The following VDAC2 variants were observed in gnomAD, a reference collection of about 807,000 sequenced individuals.
The protein encoded by VDAC2 is non-selective voltage-gated ion channel VDAC2.
VDAC2 carries 6 observed loss-of-function variants against 36.6 expected under a neutral mutation model. The observed-to-expected ratio is 0.16, with a 90% confidence interval of 0.09 to 0.32. The LOEUF is 0.32. Among genes scored for constraint, VDAC2 ranks in the 10% least tolerant of loss-of-function variants. The pLI, the probability that VDAC2 is intolerant of heterozygous loss-of-function variation, is 1.00. For synonymous variants in VDAC2, 109 were observed against 123.8 expected (o/e 0.88, Z 0.79); for missense variants, 247 against 346.0 (o/e 0.71, Z 2.27).
At chr10:75,218,088 C>CAAAAAA in intron 4 of VDAC2, 1 of 260,486 alleles carries the variant, frequency 3.8e-6, no homozygotes, top group Non-Finnish European at 7.4e-6. Flanking sequence ...GATGCTGTCT[C>CAAAAAA]AAAAAAAAAA....
chr10:75,214,240 T>C (rs1251929416), intron 4 of VDAC2, among the ~76,000 whole-genome samples, 170 bp downstream of exon 4: 1 of 152,228 alleles, frequency 6.6e-6, no homozygotes, highest in Non-Finnish European at 1.5e-5. Context: ...GAATGTGATT[T>C]CTGATTTTCA....
At chr10:75,217,650 T>C (rs1678150719) in intron 4 of VDAC2, among the ~76,000 whole-genome samples, 1 of 152,128 alleles carries the variant, frequency 6.6e-6, no homozygotes, top group African/African-American at 2.4e-5. Context: ...AGTGCTGGGA[T>C]TACAGGTGTG....
At chr10:75,217,889 T>TA (rs1217997592) in intron 4 of VDAC2, 51 of 1,284,144 alleles carry the variant, frequency 4.0e-5, no homozygotes, top group South Asian at 1.1e-4. Flanking sequence ...ACTCTACAGA[T>TA]ATCACAATTT....
At chr10:75,217,097 AAAT>A (rs1841629078) in intron 4 of VDAC2, among the ~76,000 whole-genome samples, 1 of 152,022 alleles carries the variant, frequency 6.6e-6, no homozygotes, top group African/African-American at 2.4e-5. Flanking sequence ...CTCTACAAAA[AAAT>A]TTAAAAATTA....
intron 8 of VDAC2, among the ~76,000 whole-genome samples, chr10:75,228,161 T>G (rs1211455928): frequency 6.6e-6 from 1 of 151,848 alleles, no homozygotes; most frequent in East Asian, 1.9e-4. Context: ...CCCAAAGTGC[T>G]GGGATTACAG....
chr10:75,214,175 C>A, intron 4 of VDAC2, 105 bp downstream of exon 4: 1 of 1,188,608 alleles, frequency 8.4e-7, no homozygotes, highest in Non-Finnish European at 1.2e-6. Flanking sequence ...AAAGAAGAGG[C>A]AGAAGTTAAC....
intron 8 of VDAC2, among the ~76,000 whole-genome samples, chr10:75,225,929 A>T (rs529510620): frequency 9.5e-4 from 144 of 152,126 alleles, no homozygotes; most frequent in African/African-American, 3.3e-3. Context: ...AGTAGCTGGG[A>T]TTATAGGTGC....
intron 3 of VDAC2, among the ~76,000 whole-genome samples, chr10:75,213,606 T>C (rs562198872): frequency 6.6e-6 from 1 of 152,196 alleles, no homozygotes; most frequent in East Asian, 1.9e-4. Context: ...TAGCCAGGCG[T>C]GGTGGCACGC....
At chr10:75,211,952 A>G (rs1841437109) in intron 2 of VDAC2, among the ~76,000 whole-genome samples, 1 of 152,244 alleles carries the variant, frequency 6.6e-6, no homozygotes, top group Non-Finnish European at 1.5e-5. Context: ...GTACTTGTCC[A>G]GTCCTAGGAA....
chr10:75,229,597 C>G, intron 8 of VDAC2, 47 bp from the exon 9 acceptor site: 3 of 1,451,230 alleles, frequency 2.1e-6, no homozygotes. Flanking sequence ...GGGGCTTTGT[C>G]TCTATTGAAA....
At chr10:75,226,451 GTTTTTT>G (rs147954706) in intron 8 of VDAC2, among the ~76,000 whole-genome samples, 3 of 100,894 alleles carry the variant, frequency 3.0e-5, no homozygotes, top group Non-Finnish European at 5.6e-5. Context: ...TCTTTTGTGG[GTTTTTT>G]TTTTTTTTTT....
intron 8 of VDAC2, among the ~76,000 whole-genome samples, chr10:75,225,733 A>C (rs1841933840): frequency 6.6e-6 from 1 of 152,136 alleles, no homozygotes; most frequent in African/African-American, 2.4e-5. Context: ...TAAACTTTGC[A>C]TACCTCACAT....
Position 75,222,264 on chromosome 10 carries a change from A to G in VDAC2, c.597A>G (p.Thr199=), listed in dbSNP as rs776038287. ...AAATATCTTATAGCAATGATGGGAC[A>G]GAATTTGGAGGATCAATTTATCAGA... ...FQLHTNVNDG[T]EFGGSIYQKV... Residue 199 remains threonine, a synonymous_variant, in exon 8 of 10, where the codon ACA becomes ACG. Transcript: ENST00000332211. 3.1e-6 allele frequency: 5 copies of G among 1,613,718 alleles called. No individual in the cohort carries two copies. Among genetic ancestry groups the G allele is most frequent in the Admixed American group, 1.7e-5 (1 of 59,942 alleles).
At chr10:75,222,777 C>A (rs1263552655) in intron 8 of VDAC2, among the ~76,000 whole-genome samples, 1 of 152,052 alleles carries the variant, frequency 6.6e-6, no homozygotes, top group Admixed American at 6.6e-5. Flanking sequence ...ATCACGACTC[C>A]CGGCACCTTG....
At chr10:75,214,097 A>C (rs199938386) in intron 4 of VDAC2, 27 bp downstream of exon 4, 3 of 1,607,870 alleles carry the variant, frequency 1.9e-6, no homozygotes, top group Non-Finnish European at 2.6e-6. Context: ...AATAAGTTCT[A>C]TTGAACCTTT....
chr10:75,216,320 A>C (rs1841603528), intron 4 of VDAC2, among the ~76,000 whole-genome samples: 1 of 152,226 alleles, frequency 6.6e-6, no homozygotes, highest in African/African-American at 2.4e-5. Flanking sequence ...ATTAATATCA[A>C]ATATTAGATC....
upstream of VDAC2, chr10:75,210,524 G>C (rs1176231387): frequency 6.6e-6 from 1 of 152,342 alleles, no homozygotes; most frequent in Non-Finnish European, 1.5e-5. Flanking sequence ...CGGGGCCTCC[G>C]CCCCATCCCC....
chr10:75,229,588 G>C, intron 8 of VDAC2, 56 bp from the exon 9 acceptor site: 4 of 1,356,136 alleles, frequency 2.9e-6, no homozygotes, highest in South Asian at 2.5e-5. Context: ...AAACATGTAG[G>C]GGCTTTGTCT....
chr10:75,212,507 GC>G (rs1371599923), intron 3 of VDAC2, among the ~76,000 whole-genome samples: 3 of 152,258 alleles, frequency 2.0e-5, no homozygotes, highest in Admixed American at 6.5e-5. Context: ...GACCTCCTGG[GC>G]TCAAGCGATC....
Sources: gnomAD v4.1 joint callset for allele counts (sites outside exome capture counted in the v4.1 genomes callset) on GRCh38, gnomAD v4.1.1 for gene constraint, MANE v1.5 for transcripts, NCBI Gene and HGNC (gene_info 2026-07-23, HGNC 2026-07-21) for gene names.